Variants in CNTN1 observed in about 807,000 individuals in gnomAD.
The protein encoded by CNTN1 is contactin 1.
A neutral mutation model predicts 126.4 loss-of-function variants in CNTN1; 38 were observed. The ratio of observed to expected loss-of-function variants is 0.30; its 90% CI spans 0.23 to 0.39. CNTN1 has a LOEUF of 0.39. Among genes scored for constraint, CNTN1 ranks in the 10% least tolerant of loss-of-function variants. CNTN1 has a pLI of 1.00. For missense variants in CNTN1, 1,009 were observed against 1,248.4 expected (o/e 0.81, Z 2.89); for synonymous variants, 413 against 422.6 (o/e 0.98, Z 0.28).
At chr12:40,763,105 A>G (rs1166260287) in intron 1 of CNTN1, 2 of 152,324 alleles carry the variant, frequency 1.3e-5, no homozygotes, top group African/African-American at 4.8e-5. Context: ...GCCATGTGAC[A>G]AATCTGCAGC....
chr12:41,012,301 T>G (rs1438705071), intron 17 of CNTN1, among the ~76,000 whole-genome samples: 2 of 152,174 alleles, frequency 1.3e-5, no homozygotes, highest in African/African-American at 4.8e-5. Context: ...CAAAAACACC[T>G]TCCCTTGAGC....
chr12:40,746,433 T>A (rs1938188247), intron 1 of CNTN1, among the ~76,000 whole-genome samples: 1 of 152,066 alleles, frequency 6.6e-6, no homozygotes, highest in South Asian at 2.1e-4. Context: ...AGAATTTGAC[T>A]GAGGGGCATA....
intron 1 of CNTN1, among the ~76,000 whole-genome samples, chr12:40,892,953 A>C (rs1944291282): frequency 2.0e-5 from 2 of 100,214 alleles, no homozygotes; most frequent in African/African-American, 1.2e-4. Context: ...AAAAATGAAA[A>C]CTGGGGGGGG....
rs545463061 is a variant in CNTN1, at chr12:40,890,869, T to C, written c.-76-17488T>C. Among the ~76,000 whole-genome samples, 45 of 152,276 alleles carry C rather than the reference T, an allele frequency of 3.0e-4. 1 individual carries two copies. In the South Asian group the frequency reaches 6.6e-3, roughly 22 times the overall value. ...TTCTTTGTGTAAATACTAAGGAGTGTGATTGCTGGATCATATGGTAAGAAT... is the reference window on the plus strand; with the variant it reads ...TTCTTTGTGTAAATACTAAGGAGTGCGATTGCTGGATCATATGGTAAGAAT... On this transcript the variant is annotated intron_variant, in intron 1 of 23. Transcript: ENST00000551295.
At chr12:40,892,084 A>G (rs1299069047) in intron 1 of CNTN1, among the ~76,000 whole-genome samples, 1 of 152,056 alleles carries the variant, frequency 6.6e-6, no homozygotes, top group Non-Finnish European at 1.5e-5. Flanking sequence ...TCCATACTAG[A>G]GCCCTGTCTA....
chr12:40,758,426 G>A (rs760311499), intron 1 of CNTN1, among the ~76,000 whole-genome samples: 21 of 151,568 alleles, frequency 1.4e-4, no homozygotes, highest in Non-Finnish European at 2.2e-4. Flanking sequence ...GGTCTTTTTC[G>A]AAGTAAAAAT....
intron 6 of CNTN1, among the ~76,000 whole-genome samples, chr12:40,926,224 T>TAGATAGATAG (rs1945690748): frequency 1.2e-5 from 1 of 83,284 alleles, no homozygotes; most frequent in Non-Finnish European, 2.7e-5. Flanking sequence ...TAGATAGATA[T>TAGATAGATAG]AATGCAGGGA....
intron 7 of CNTN1, among the ~76,000 whole-genome samples, chr12:40,933,113 T>C (rs1184508894): frequency 6.6e-6 from 1 of 151,888 alleles, no homozygotes; most frequent in Non-Finnish European, 1.5e-5. Context: ...TTCTTCTCTT[T>C]CCTTCTCCCT....
At chr12:40,946,508 A>G (rs1157121298) in intron 14 of CNTN1, among the ~76,000 whole-genome samples, 1 of 152,160 alleles carries the variant, frequency 6.6e-6, no homozygotes, top group Non-Finnish European at 1.5e-5. Context: ...ACACTGAAAT[A>G]GACATGGACA....
intron 1 of CNTN1, among the ~76,000 whole-genome samples, chr12:40,889,624 A>G (rs185795322): frequency 7.9e-4 from 121 of 152,338 alleles, no homozygotes; most frequent in African/African-American, 2.9e-3. Flanking sequence ...TAATCATAAA[A>G]TGTAATACTC....
At chr12:40,833,218 C>T (rs572832959) in intron 1 of CNTN1, among the ~76,000 whole-genome samples, 1 of 152,256 alleles carries the variant, frequency 6.6e-6, no homozygotes, top group South Asian at 2.1e-4. Flanking sequence ...CCTCGGCCTC[C>T]CGAGTAGCTG....
intron 1 of CNTN1, among the ~76,000 whole-genome samples, chr12:40,807,716 C>G (rs1285651015): frequency 1.3e-5 from 2 of 152,116 alleles, no homozygotes; most frequent in African/African-American, 4.8e-5. Flanking sequence ...TAATTCTTAT[C>G]CTACTTTGTT....
At chr12:40,828,645 G>C (rs1424977321) in intron 1 of CNTN1, among the ~76,000 whole-genome samples, 1 of 152,104 alleles carries the variant, frequency 6.6e-6, no homozygotes, top group East Asian at 1.9e-4. Flanking sequence ...GCATCGCGTT[G>C]GCTCAGATTA....
intron 14 of CNTN1, among the ~76,000 whole-genome samples, chr12:40,951,712 A>AT (rs747062390): frequency 1.2e-5 from 1 of 84,810 alleles, no homozygotes; most frequent in Non-Finnish European, 2.4e-5. Flanking sequence ...TTGTCTCAAA[A>AT]TTTAAAAAAA....
intron 23 of CNTN1, among the ~76,000 whole-genome samples, chr12:41,066,931 T>G (rs1050654194): frequency 1.1e-4 from 16 of 152,204 alleles, no homozygotes; most frequent in Non-Finnish European, 2.4e-4. Flanking sequence ...ATTCACAAGA[T>G]CAATGATTTG....
At chr12:40,813,902 T>C (rs1206812949) in intron 1 of CNTN1, among the ~76,000 whole-genome samples, 1 of 152,188 alleles carries the variant, frequency 6.6e-6, no homozygotes, top group Non-Finnish European at 1.5e-5. Context: ...TGGTGTGAGA[T>C]GGTATCTCAT....
At chr12:40,826,716 G>T (rs1592130307) in intron 1 of CNTN1, among the ~76,000 whole-genome samples, 1 of 152,090 alleles carries the variant, frequency 6.6e-6, no homozygotes, top group Non-Finnish European at 1.5e-5. Flanking sequence ...CACCACCAAG[G>T]GTGAACACCT....
intron 4 of CNTN1, 117 bp downstream of exon 4, chr12:40,918,888 C>T: frequency 1.6e-6 from 2 of 1,247,870 alleles, no homozygotes; most frequent in South Asian, 2.5e-5. Context: ...TGGACATTAA[C>T]AAAAATATTG....
intron 1 of CNTN1, among the ~76,000 whole-genome samples, chr12:40,818,395 C>T (rs1039991577): frequency 8.6e-5 from 13 of 151,778 alleles, no homozygotes; most frequent in African/African-American, 9.7e-5. Context: ...TATTCTTGTC[C>T]GCATGTTTTA....
Sources: allele counts gnomAD v4.1 joint callset (sites outside exome capture counted in the v4.1 genomes callset), GRCh38; gene constraint gnomAD v4.1.1; transcripts MANE v1.5; gene names NCBI Gene and HGNC (gene_info 2026-07-23, HGNC 2026-07-21).